The following PCDHA9 variants were observed in gnomAD, a reference collection of about 807,000 sequenced individuals.
PCDHA9 encodes the protein protocadherin alpha 9.
PCDHA9 carries 62 observed loss-of-function variants against 62.0 expected under a neutral mutation model. That is an observed-to-expected ratio of 1.00 (90% CI 0.81 to 1.23). The LOEUF is 1.23. PCDHA9 is among the 50% of genes most tolerant of loss of function. The pLI is 0.00. For missense variants in PCDHA9, 1,205 were observed against 1,249.8 expected (o/e 0.96, Z 0.54); for synonymous variants, 557 against 567.6 (o/e 0.98, Z 0.27).
At chr5:141,002,203 G>T (rs2153973237) in intron 3 of PCDHA9, among the ~76,000 whole-genome samples, 1 of 152,296 alleles carries the variant, frequency 6.6e-6, no homozygotes, top group East Asian at 1.9e-4. Flanking sequence ...ATAGTCCCCG[G>T]CTTTAATCAA....
Position 140,848,980 on chromosome 5 carries a change from T to C in PCDHA9, c.485T>C (p.Ile162Thr), listed in dbSNP as rs1554142681. 1.9e-6 allele frequency: 3 copies of C among 1,599,772 alleles called. No individual in the cohort carries two copies. The highest frequency in any genetic ancestry group is 1.7e-6 in the Non-Finnish European group (2 of 1,171,164). ...FPLEGASDADIGENALLTYRL... is the reference protein window; with the variant it reads ...FPLEGASDADTGENALLTYRL... Reference sequence around the variant, plus strand: ...CTAGAGGGCGCGTCCGATGCAGATATCGGGGAGAACGCCCTGCTCACTTAC... The same window carrying C: ...CTAGAGGGCGCGTCCGATGCAGATACCGGGGAGAACGCCCTGCTCACTTAC... Residue 162 changes from isoleucine to threonine, a missense_variant, in exon 1 of 4, where the codon ATC (isoleucine) becomes ACC (threonine). Physicochemically the swap from Ile to Thr is moderately conservative, Grantham distance 89 (BLOSUM62 -1). This residue lies in a region of PCDHA9 where 208 missense variants were observed against 213.2 expected (regional missense o/e 0.98). Coordinates refer to ENST00000532602, the MANE Select transcript of PCDHA9 (RefSeq NM_031857.2).
chr5:140,947,685 G>T (rs553954790), intron 1 of PCDHA9, among the ~76,000 whole-genome samples: 1 of 151,508 alleles, frequency 6.6e-6, no homozygotes, highest in South Asian at 2.1e-4. Flanking sequence ...AATTGTCTCA[G>T]CATGTTCTGT....
At chr5:140,968,067 T>G in intron 1 of PCDHA9, 1 of 1,614,082 alleles carries the variant, frequency 6.2e-7, no homozygotes, top group Non-Finnish European at 8.5e-7. Context: ...CGGGTGGCTG[T>G]CTACAACATC....
chr5:140,897,349 A>G (rs539353387), intron 1 of PCDHA9, among the ~76,000 whole-genome samples: 33 of 107,320 alleles, frequency 3.1e-4, no homozygotes, highest in African/African-American at 1.0e-3. Flanking sequence ...CCACCCCACA[A>G]CTGTCCCCAG....
At chr5:140,909,872 G>A (rs1245615872) in intron 1 of PCDHA9, among the ~76,000 whole-genome samples, 2 of 152,182 alleles carry the variant, frequency 1.3e-5, no homozygotes, top group African/African-American at 4.8e-5. Flanking sequence ...GTCAACGTCA[G>A]CTTAGAGACA....
At chr5:140,908,794 C>T (rs1554193480) in intron 1 of PCDHA9, among the ~76,000 whole-genome samples, 1 of 152,142 alleles carries the variant, frequency 6.6e-6, no homozygotes, top group African/African-American at 2.4e-5. Context: ...TTCTGTACTA[C>T]ATTAAAAAGT....
intron 1 of PCDHA9, chr5:140,870,001 G>C (rs782788057): frequency 1.2e-6 from 2 of 1,613,448 alleles, no homozygotes; most frequent in African/African-American, 1.3e-5. Context: ...AAATAATGGA[G>C]AAGTGAGGGT....
intron 1 of PCDHA9, chr5:140,927,238 G>A (rs782670286): frequency 1.2e-6 from 2 of 1,614,122 alleles, no homozygotes; most frequent in Non-Finnish European, 1.7e-6. Flanking sequence ...TCACGTCCTG[G>A]ACACCAATGA....
At chr5:140,881,321 T>C (rs1396829121) in intron 1 of PCDHA9, 1 of 983,920 alleles carries the variant, frequency 1.0e-6, no homozygotes, top group Non-Finnish European at 1.2e-6. Context: ...TTAAATTCTA[T>C]TTAACCAGGA....
intron 1 of PCDHA9, among the ~76,000 whole-genome samples, chr5:140,879,868 A>G (rs544274525): frequency 2.0e-5 from 3 of 152,222 alleles, no homozygotes; most frequent in Middle Eastern, 3.4e-3. Context: ...CTCAGCTTTC[A>G]TGGTCACATT....
At position 140,967,525 on chromosome 5, in the gene PCDHA9, C is replaced by T. The variant is rs368677084; in HGVS notation, c.2395-11424C>T. The stretch of plus-strand genomic sequence containing the variant: ...TGCGTGTCCTGGACACTAACGACAA[C>T]TCTCCTGCCTTTGACCAGTCCACTT... On this transcript the variant is annotated intron_variant, in intron 1 of 3. Coordinates refer to ENST00000532602, the MANE Select transcript of PCDHA9 (RefSeq NM_031857.2). 3.7e-5 allele frequency: 59 copies of T among 1,613,048 alleles called. No individual in the cohort carries two copies. The African/African-American group carries it at 7.3e-4, about 20-fold the overall frequency.
At position 140,849,929 on chromosome 5, in the gene PCDHA9, T is replaced by G. The variant is rs1450636702; in HGVS notation, c.1434T>G (p.Ser478=). 8.1e-6 allele frequency: 13 copies of G among 1,598,096 alleles called. 1 individual carries two copies. The African/African-American group carries it at 1.2e-4, about 15-fold the overall frequency. Residue 478 remains serine (S), a synonymous_variant, in exon 1 of 4, where the codon TCT becomes TCG. Transcript: ENST00000532602. ...CGGGCTGCCACATCTTCACGGTGTC[T>G]GCGCGGGACGCTGACGCGCAGGAGA... ...NPPGCHIFTV[S]ARDADAQENA...
chr5:140,906,816 G>A (rs574852506), intron 1 of PCDHA9, among the ~76,000 whole-genome samples: 6 of 152,360 alleles, frequency 3.9e-5, no homozygotes, highest in African/African-American at 1.4e-4. Context: ...TACCTCCACT[G>A]TGGAGTAGTA....
intron 1 of PCDHA9, among the ~76,000 whole-genome samples, chr5:140,898,923 T>G (rs2067045385): frequency 6.6e-6 from 1 of 152,144 alleles, no homozygotes; most frequent in South Asian, 2.1e-4. Flanking sequence ...GTAAGTTGGA[T>G]TCCTAAGTAT....
At chr5:140,857,856 A>G in intron 1 of PCDHA9, 1 of 1,597,730 alleles carries the variant, frequency 6.3e-7, no homozygotes, top group Non-Finnish European at 8.6e-7. Context: ...TCTGGATACA[A>G]CGCGTGGCTG....
chr5:140,897,946 T>G (rs1311278458), intron 1 of PCDHA9, among the ~76,000 whole-genome samples: 1 of 152,276 alleles, frequency 6.6e-6, no homozygotes, highest in African/African-American at 2.4e-5. Context: ...CCAGTGATGA[T>G]TAGCATTTTT....
At chr5:140,867,315 G>A (rs2049883099) in intron 1 of PCDHA9, 1 of 151,948 alleles carries the variant, frequency 6.6e-6, no homozygotes. Flanking sequence ...CTGTCATCTG[G>A]TCTAATGTTA....
chr5:140,852,781 G>C lies in PCDHA9; in HGVS notation c.2394+1892G>C, dbSNP rs1213399832. 14 of 979,508 alleles carry C rather than the reference G, an allele frequency of 1.4e-5. 1 individual carries two copies. The highest frequency in any genetic ancestry group is 6.3e-5 in the Admixed American group (1 of 15,846). 60.7% of individuals were successfully genotyped at this position (979,508 alleles called of 1,614,324 possible). ...GGTATCTGATTATTTGATGTGAATA[G>C]AGGGATGCTACAGATGTCATTTGTC... On this transcript the variant is annotated intron_variant, in intron 1 of 3. Coordinates refer to ENST00000532602, the MANE Select transcript of PCDHA9 (RefSeq NM_031857.2).
At chr5:140,866,404 A>C (rs781790462) in intron 1 of PCDHA9, 1 of 152,130 alleles carries the variant, frequency 6.6e-6, no homozygotes, top group Non-Finnish European at 1.5e-5. Context: ...TTCCCATGAA[A>C]ATCTTCAAAT....
Sources: allele counts gnomAD v4.1 joint callset (sites outside exome capture counted in the v4.1 genomes callset), GRCh38; gene constraint gnomAD v4.1.1; regional missense constraint gnomAD v4.1.1; transcripts MANE v1.5; gene names NCBI Gene and HGNC (gene_info 2026-07-23, HGNC 2026-07-21).